CLEC11A: variants seen among roughly 807,000 people sequenced by gnomAD.
CLEC11A encodes the protein C-type lectin domain containing 11A, also known as C-type lectin domain family 11 member A.
CLEC11A carries 35 observed loss-of-function variants against 33.9 expected under a neutral mutation model. The observed-to-expected ratio is 1.03, with a 90% CI of 0.79 to 1.37. The LOEUF (loss-of-function observed/expected upper bound fraction) is 1.37. Among genes scored for constraint, CLEC11A ranks in the 40% most tolerant of loss-of-function variants. The pLI is 0.00. For synonymous variants in CLEC11A, 220 were observed against 202.2 expected (o/e 1.09, Z -0.75); for missense variants, 519 against 455.5 (o/e 1.14, Z -1.27).
chr19:50,724,241 C>T lies in CLEC11A; in HGVS notation c.334+150C>T. 1 of 1,385,796 alleles carries T rather than the reference C, an allele frequency of 7.2e-7. No homozygotes were observed. 85.8% of individuals were successfully genotyped at this position (1,385,796 alleles called of 1,614,324 possible). On this transcript the variant is annotated intron_variant, in intron 2 of 3. Coordinates refer to ENST00000250340, the MANE Select transcript of CLEC11A (RefSeq NM_002975.3). The surrounding 1 kb of genome is among the most constrained non-coding windows in gnomAD (Gnocchi z 4.1). ...ACCCCTAGGAGCCCCAGGTCCACGG[C>T]CATGCCTCCTAAAGGCCTGGGCCAC...
At position 50,725,192 on chromosome 19, in the gene CLEC11A, C is replaced by T. The variant is rs751417398; in HGVS notation, c.697C>T (p.Pro233Ser). Residue 233 changes from proline to serine, a missense_variant, in exon 4 of 4, where the codon CCC (proline) becomes TCC (serine). Transcript: ENST00000250340. ...TCGGTACCTGCGCGCGGCGCTCGCT[C>T]CCTACAACTGGCCCGTGTGGCTGGG... ...LTRYLRAALA[P>S]YNWPVWLGVH... 2.3e-5 allele frequency: 36 copies of T among 1,589,284 alleles called. No homozygotes were observed. The highest frequency in any genetic ancestry group is 2.9e-5 in the Non-Finnish European group (34 of 1,169,046).
Position 50,725,461 on chromosome 19 carries a change from C to T in CLEC11A, c.966C>T (p.Pro322=). The T allele has an allele frequency of 2.5e-6, 4 of 1,594,678 alleles. No homozygotes were observed. The highest frequency in any genetic ancestry group is 3.4e-6 in the Non-Finnish European group (4 of 1,168,058). The part of the protein sequence containing the change: ...QRRLYYVCEF[P]F ...GTCTCTACTACGTCTGCGAGTTCCC[C>T]TTCTAGCGGGGCCGGTACCCCGCCT... Residue 322 remains proline (P), a synonymous_variant, in exon 4 of 4, where the codon CCC becomes CCT. Transcript: ENST00000250340.
rs752269641 is a variant in CLEC11A at position 50,725,308 on chromosome 19, G to C, written c.813G>C (p.Glu271Asp). 1 of 1,611,954 alleles carries C rather than the reference G, an allele frequency of 6.2e-7. No homozygotes were observed. Among genetic ancestry groups the C allele is most frequent in the Non-Finnish European group, 8.5e-7 (1 of 1,179,416 alleles). Residue 271 changes from glutamate (E) to aspartate (D), a missense_variant, in exon 4 of 4, where the codon GAG becomes GAC. Glu to Asp is a conservative substitution (Grantham distance 45). Transcript: ENST00000250340. The part of the protein sequence containing the change: ...FFAWHRSPRP[E>D]LGAQPSASPH... Reference sequence around the variant, plus strand: ...CCTGGCATCGCTCACCCCGCCCCGAGCTCGGCGCCCAGCCCAGCGCCTCGC... The same window carrying C: ...CCTGGCATCGCTCACCCCGCCCCGACCTCGGCGCCCAGCCCAGCGCCTCGC...
In CLEC11A at chr19:50,724,904, A is replaced by T. The variant is rs914251656; in HGVS notation, c.527-118A>T. ...CGCGGTTCTGACCACGCCTCCTCCC[A>T]GCCCTCCCCATGAGTTCCTGGCCCC... On this transcript the variant is annotated intron_variant, in intron 3 of 3. Coordinates refer to ENST00000250340, the MANE Select transcript of CLEC11A (RefSeq NM_002975.3). The surrounding 1 kb of genome is among the most constrained non-coding windows in gnomAD (Gnocchi z 4.1). 5 of 1,354,664 alleles carry T rather than the reference A, an allele frequency of 3.7e-6. No individual in the cohort carries two copies. In the African/African-American group the frequency reaches 4.8e-5, roughly 13 times the overall value. 83.9% of individuals were successfully genotyped at this position (1,354,664 alleles called of 1,614,324 possible). A position where few individuals can be genotyped will look rare whatever the true frequency, so the allele number is the denominator to read the frequency against.
Position 50,724,601 on chromosome 19 carries a change from G to A in CLEC11A, c.526G>A (p.Gly176Ser), listed in dbSNP as rs753099678. The A allele has an allele frequency of 4.5e-5, 63 of 1,405,114 alleles. No individual in the cohort carries two copies. The highest frequency in any genetic ancestry group is 5.7e-5 in the Non-Finnish European group (62 of 1,084,234). 87.0% of individuals were successfully genotyped at this position (1,405,114 alleles called of 1,614,324 possible). The change falls in exon 3 of 4, where the codon GGC (glycine) becomes AGC (serine). Residue 176 changes from glycine to serine, a missense_variant and splice_region_variant. By Grantham distance (56) the Gly-to-Ser change is moderately conservative. Coordinates refer to ENST00000250340, the MANE Select transcript of CLEC11A (RefSeq NM_002975.3). This position sits in a 1 kb window ranked among gnomAD's most constrained non-coding sequence, Gnocchi z 4.1. Reference sequence around the variant, plus strand: ...CGAGCGCGAGCACGGCCGCTTGGAGGGTGAGTCCGCGGCGCGCGGGGTGGA... The same window carrying A: ...CGAGCGCGAGCACGGCCGCTTGGAGAGTGAGTCCGCGGCGCGCGGGGTGGA... Reference protein sequence around the residue: ...RAEREHGRLEGCLKGLRLGHK... With the variant: ...RAEREHGRLESCLKGLRLGHK...
chr19:50,725,439 TCTA>T lies in CLEC11A; in HGVS notation c.949_951del (p.Tyr317del), dbSNP rs746178149. 6.2e-7 allele frequency: 1 copy of T among 1,604,068 alleles called. No individual in the cohort carries two copies. Among genetic ancestry groups the T allele is most frequent in the South Asian group, 1.1e-5 (1 of 90,520 alleles). On this transcript the variant is annotated inframe_deletion, in exon 4 of 4. Transcript: ENST00000250340. ...TGGGACCACGACTGCCAGCGGCGTC[TCTA>T]CTACGTCTGCGAGTTCCCCTTCTAG...
chr19:50,724,269 G>A lies in CLEC11A; in HGVS notation c.335-141G>A. ...TGCCTCCTAAAGGCCTGGGCCACTC[G>A]ACCCTACCTTCCAGGAGTCCGGGGT... is the stretch of plus-strand genomic sequence containing the variant. On this transcript the variant is annotated intron_variant, in intron 2 of 3. Transcript: ENST00000250340. The surrounding 1 kb of genome is among the most constrained non-coding windows in gnomAD (Gnocchi z 4.1). 1.6e-6 allele frequency: 2 copies of A among 1,245,532 alleles called. No individual in the cohort carries two copies. The highest frequency in any genetic ancestry group is 1.1e-6 in the Non-Finnish European group (1 of 921,438). The allele number at this position is 1,245,532 out of a possible 1,614,324, so 77.2% of individuals were successfully genotyped here.
rs1478354007 is a variant in CLEC11A at position 50,725,157 on chromosome 19, A to C, written c.662A>C (p.Glu221Ala). 1 of 1,566,306 alleles carries C rather than the reference A, an allele frequency of 6.4e-7. No individual in the cohort carries two copies. The highest frequency in any genetic ancestry group is 1.2e-5 in the South Asian group (1 of 85,744). ...LAQPADRQQM[E>A]ALTRYLRAAL... ...CAGCCGGCAGACCGCCAGCAGATGG[A>C]GGCGCTCACTCGGTACCTGCGCGCG... is the stretch of plus-strand genomic sequence containing the variant. Residue 221 changes from glutamate to alanine, a missense_variant, in exon 4 of 4, where the codon GAG (glutamate) becomes GCG (alanine). Glu to Ala is a moderately radical substitution (Grantham distance 107). Transcript: ENST00000250340.
chr19:50,724,572 G>C lies in CLEC11A; in HGVS notation c.497G>C (p.Arg166Pro). 1 of 1,445,860 alleles carries C rather than the reference G, an allele frequency of 6.9e-7. No individual in the cohort carries two copies. The highest frequency in any genetic ancestry group is 1.4e-5 in the South Asian group (1 of 71,426). The allele number at this position is 1,445,860 out of a possible 1,614,324, so 89.6% of individuals were successfully genotyped here. A position where few individuals can be genotyped will look rare whatever the true frequency, so the allele number is the denominator to read the frequency against. ...AVQALQEAQG[R>P]AEREHGRLEG... is the part of the protein sequence containing the mutation. ...CAAGCCCTGCAGGAGGCGCAGGGTC[G>C]CGCCGAGCGCGAGCACGGCCGCTTG... The change falls in exon 3 of 4, where the codon CGC becomes CCC. Residue 166 changes from arginine (R) to proline (P), a missense_variant. Coordinates refer to ENST00000250340, the MANE Select transcript of CLEC11A (RefSeq NM_002975.3). The surrounding 1 kb of genome is among the most constrained non-coding windows in gnomAD (Gnocchi z 4.1).
At position 50,724,609 on chromosome 19, in the gene CLEC11A, C is replaced by A; in HGVS notation, c.526+8C>A. On this transcript the variant is annotated splice_region_variant and intron_variant, in intron 3 of 3. Coordinates refer to ENST00000250340, the MANE Select transcript of CLEC11A (RefSeq NM_002975.3). The surrounding 1 kb of genome is among the most constrained non-coding windows in gnomAD (Gnocchi z 4.1). Reference sequence around the variant, plus strand: ...AGCACGGCCGCTTGGAGGGTGAGTCCGCGGCGCGCGGGGTGGAAAAAAATG... The same window carrying A: ...AGCACGGCCGCTTGGAGGGTGAGTCAGCGGCGCGCGGGGTGGAAAAAAATG... The A allele has an allele frequency of 7.2e-7, 1 of 1,393,740 alleles. No individual in the cohort carries two copies. Among genetic ancestry groups the A allele is most frequent in the Non-Finnish European group, 9.3e-7 (1 of 1,078,046 alleles). The allele number at this position is 1,393,740 out of a possible 1,614,324, so 86.3% of individuals were successfully genotyped here. A position where few individuals can be genotyped will look rare whatever the true frequency, so the allele number is the denominator to read the frequency against.
chr19:50,724,555 G>T lies in CLEC11A; in HGVS notation c.480G>T (p.Leu160=). Residue 160 remains leucine (L), a synonymous_variant, in exon 3 of 4, where the codon CTG becomes CTT. Coordinates refer to ENST00000250340, the MANE Select transcript of CLEC11A (RefSeq NM_002975.3). The surrounding 1 kb of genome is among the most constrained non-coding windows in gnomAD (Gnocchi z 4.1). ...ACACCCGCGATGCCGTGCAAGCCCT[G>T]CAGGAGGCGCAGGGTCGCGCCGAGC... The part of the protein sequence containing the change: ...AGDTRDAVQA[L]QEAQGRAERE... 1 of 1,497,862 alleles carries T rather than the reference G, an allele frequency of 6.7e-7. No individual in the cohort carries two copies. The highest frequency in any genetic ancestry group is 8.9e-7 in the Non-Finnish European group (1 of 1,127,734). 92.8% of individuals were successfully genotyped at this position (1,497,862 alleles called of 1,614,324 possible).
rs1299045812 is a variant in CLEC11A, at chr19:50,724,940, A to G, written c.527-82A>G. On this transcript the variant is annotated intron_variant, in intron 3 of 3. Coordinates refer to ENST00000250340, the MANE Select transcript of CLEC11A (RefSeq NM_002975.3). This position sits in a 1 kb window ranked among gnomAD's most constrained non-coding sequence, Gnocchi z 4.1. ...TGAGTTCCTGGCCCCGCCTCCCTCC[A>G]CCCCCGGATGTTTTGTCCTCGCCCC... The G allele has an allele frequency of 5.0e-6, 4 of 797,062 alleles. No individual in the cohort carries two copies. The African/African-American group carries it at 1.6e-4, about 32-fold the overall frequency. 49.4% of individuals were successfully genotyped at this position (797,062 alleles called of 1,614,324 possible). A position where few individuals can be genotyped will look rare whatever the true frequency, so the allele number is the denominator to read the frequency against.
chr19:50,724,102 A>G lies in CLEC11A; in HGVS notation c.334+11A>G, dbSNP rs200240589. ...TCGTCACTTACATCCGTGAGTAACCAGAAGCCCTCACCCCCAAACTCCTAG... is the reference window on the plus strand; with the variant it reads ...TCGTCACTTACATCCGTGAGTAACCGGAAGCCCTCACCCCCAAACTCCTAG... On this transcript the variant is annotated intron_variant, in intron 2 of 3. Transcript: ENST00000250340. The surrounding 1 kb of genome is among the most constrained non-coding windows in gnomAD (Gnocchi z 4.1). 5 of 1,608,312 alleles carry G rather than the reference A, an allele frequency of 3.1e-6. No individual in the cohort carries two copies. The highest frequency in any genetic ancestry group is 4.2e-6 in the Non-Finnish European group (5 of 1,177,934).
chr19:50,724,402 G>A lies in CLEC11A; in HGVS notation c.335-8G>A. On this transcript the variant is annotated splice_polypyrimidine_tract_variant and splice_region_variant and intron_variant, in intron 2 of 3. Transcript: ENST00000250340. This position sits in a 1 kb window ranked among gnomAD's most constrained non-coding sequence, Gnocchi z 4.1. ...TCCCCCTCCAGCATGATCCCTGTCT[G>A]TCCGCAGTGGGCCGCCTGGCCGGCC... The A allele has an allele frequency of 6.7e-6, 10 of 1,497,666 alleles. No individual in the cohort carries two copies. The highest frequency in any genetic ancestry group is 8.8e-6 in the Non-Finnish European group (10 of 1,131,110). The allele number at this position is 1,497,666 out of a possible 1,614,324, so 92.8% of individuals were successfully genotyped here.
chr19:50,723,405 C>G lies in CLEC11A; in HGVS notation c.-121C>G, dbSNP rs967059408. The G allele has an allele frequency of 3.1e-6, 3 of 977,340 alleles. No homozygotes were observed. The highest frequency in any genetic ancestry group is 2.0e-5 in the Admixed American group (1 of 49,118). The allele number at this position is 977,340 out of a possible 1,614,324, so 60.5% of individuals were successfully genotyped here. A position where few individuals can be genotyped will look rare whatever the true frequency, so the allele number is the denominator to read the frequency against. ...ACAGGAAGAGAGAAGCTGGGAGAAT[C>G]GGGAACCTGGGGGCTAGTGACCTGC... On this transcript the variant is annotated 5_prime_UTR_variant, in exon 1 of 4. The change creates a new upstream start codon in the 5' untranslated region. Coordinates refer to ENST00000250340, the MANE Select transcript of CLEC11A (RefSeq NM_002975.3). The surrounding 1 kb of genome is among the most constrained non-coding windows in gnomAD (Gnocchi z 4.1).
rs965904910 is a variant in CLEC11A at position 50,724,865 on chromosome 19, C to T, written c.527-157C>T. The T allele has an allele frequency of 1.4e-6, 2 of 1,404,696 alleles. No homozygotes were observed. Among genetic ancestry groups the T allele is most frequent in the Admixed American group, 6.4e-5 (2 of 31,018 alleles). The allele number at this position is 1,404,696 out of a possible 1,614,324, so 87.0% of individuals were successfully genotyped here. ...CCCGCCCCTGGCGGACCAGACTCTCCACCTCCTGGCTCCCGCGGTTCTGAC... is the reference window on the plus strand; with the variant it reads ...CCCGCCCCTGGCGGACCAGACTCTCTACCTCCTGGCTCCCGCGGTTCTGAC... On this transcript the variant is annotated intron_variant, in intron 3 of 3. Transcript: ENST00000250340. This position sits in a 1 kb window ranked among gnomAD's most constrained non-coding sequence, Gnocchi z 4.1.
rs1474993044 is a variant in CLEC11A, at chr19:50,725,120, G to T, written c.625G>T (p.Gly209Trp). The T allele has an allele frequency of 2.6e-6, 4 of 1,542,114 alleles. No homozygotes were observed. The highest frequency in any genetic ancestry group is 1.4e-5 in the African/African-American group (1 of 72,664). Residue 209 changes from glycine to tryptophan, a missense_variant, in exon 4 of 4, where the codon GGG becomes TGG. Transcript: ENST00000250340. The stretch of plus-strand genomic sequence containing the variant: ...GCAGGCGCGGTGCACGGCGCGGGGC[G>T]GGAGCCTGGCGCAGCCGGCAGACCG... ...AAQARCTARG[G>W]SLAQPADRQQ... is the part of the protein sequence containing the mutation.
chr19:50,724,313 C>A lies in CLEC11A; in HGVS notation c.335-97C>A. The A allele has an allele frequency of 8.7e-7, 1 of 1,155,736 alleles. No individual in the cohort carries two copies. The highest frequency in any genetic ancestry group is 1.2e-6 in the Non-Finnish European group (1 of 846,070). 71.6% of individuals were successfully genotyped at this position (1,155,736 alleles called of 1,614,324 possible). ...CCGGGGTGCCCCCCCCACCGCCACC[C>A]CGCCCTCAGGAGCCCTAGATCCCAG... On this transcript the variant is annotated intron_variant, in intron 2 of 3. Coordinates refer to ENST00000250340, the MANE Select transcript of CLEC11A (RefSeq NM_002975.3). This position sits in a 1 kb window ranked among gnomAD's most constrained non-coding sequence, Gnocchi z 4.1.
At position 50,725,074 on chromosome 19, in the gene CLEC11A, C is replaced by T. The variant is rs2089174543; in HGVS notation, c.579C>T (p.Asp193=). The T allele has an allele frequency of 1.3e-6, 2 of 1,521,210 alleles. No homozygotes were observed. The highest frequency in any genetic ancestry group is 1.8e-6 in the Non-Finnish European group (2 of 1,136,414). 94.2% of individuals were successfully genotyped at this position (1,521,210 alleles called of 1,614,324 possible). The stretch of plus-strand genomic sequence containing the variant: ...ACAAGTGCTTCCTGCTCTCGCGCGA[C>T]TTCGAAGCTCAGGCGGCGGCGCAGG... ...LGHKCFLLSR[D]FEAQAAAQAR... The change falls in exon 4 of 4, where the codon GAC becomes GAT. Residue 193 remains aspartate, a synonymous_variant. Transcript: ENST00000250340.
Sources: allele counts gnomAD v4.1 joint callset, GRCh38; gene constraint gnomAD v4.1.1; non-coding constraint Gnocchi (gnomAD v3.1); transcripts MANE v1.5; gene names NCBI Gene and HGNC (gene_info 2026-07-23, HGNC 2026-07-21).